YAP1: variants seen among roughly 807,000 people sequenced by gnomAD.
YAP1 encodes transcriptional coactivator YAP1.
A neutral mutation model predicts 56.9 loss-of-function variants in YAP1; 5 were observed. The observed-to-expected ratio is 0.09, with a 90% CI of 0.05 to 0.18. YAP1 has a LOEUF of 0.18. Ranked by LOEUF, YAP1 falls within the 10% of genes least tolerant of loss-of-function variation. The pLI is 1.00. For missense variants in YAP1, 539 were observed against 651.8 expected (o/e 0.83, Z 1.88); for synonymous variants, 265 against 248.1 (o/e 1.07, Z -0.64).
At chr11:102,169,247 TATAAATGTGATAAA>T (rs146825493) in intron 3 of YAP1, among the ~76,000 whole-genome samples, 1,794 of 152,356 alleles carry the variant, frequency 0.012, 35 homozygotes, top group African/African-American at 0.042. Flanking sequence ...CAGTGCCTGG[TATAAATGTGATAAA>T]ATAAATGTGA....
intron 4 of YAP1, among the ~76,000 whole-genome samples, chr11:102,194,625 A>G (rs1286823031): frequency 1.3e-5 from 2 of 152,242 alleles, no homozygotes; most frequent in Admixed American, 1.3e-4. Context: ...GGTACTAAAC[A>G]ATGTGGGGTG....
chr11:102,208,994 T>A (rs759266665), intron 5 of YAP1, among the ~76,000 whole-genome samples: 3 of 152,206 alleles, frequency 2.0e-5, no homozygotes, highest in Non-Finnish European at 4.4e-5. Flanking sequence ...ACAGAATAGC[T>A]TCACTTCCTT....
intron 6 of YAP1, among the ~76,000 whole-genome samples, chr11:102,223,253 CAAAA>C (rs1013718662): frequency 1.1e-4 from 6 of 52,452 alleles, no homozygotes; most frequent in East Asian, 5.5e-4. Flanking sequence ...TCTTGAAGAA[CAAAA>C]AAAAAAAAAA....
intron 2 of YAP1, among the ~76,000 whole-genome samples, chr11:102,161,341 TCACTACAC>T (rs1273624496): frequency 8.5e-6 from 1 of 118,220 alleles, no homozygotes; most frequent in Non-Finnish European, 1.7e-5. Flanking sequence ...CTGTGTACTT[TCACTACAC>T]ACACACACAC....
intron 6 of YAP1, among the ~76,000 whole-genome samples, chr11:102,217,292 A>G (rs984799872): frequency 6.6e-6 from 1 of 152,242 alleles, no homozygotes; most frequent in Admixed American, 6.5e-5. Flanking sequence ...TCATTTAGAA[A>G]AATAATGAGA....
At chr11:102,119,147 G>C (rs540372480) in intron 2 of YAP1, among the ~76,000 whole-genome samples, 1 of 151,874 alleles carries the variant, frequency 6.6e-6, no homozygotes, top group African/African-American at 2.4e-5. Context: ...GGGGGTGGGG[G>C]AGAGCTTACT....
At chr11:102,147,741 A>G (rs530615172) in intron 2 of YAP1, among the ~76,000 whole-genome samples, 2 of 152,158 alleles carry the variant, frequency 1.3e-5, no homozygotes, top group Non-Finnish European at 2.9e-5. Flanking sequence ...TTATTTCACC[A>G]TTAAGTTATC....
At chr11:102,219,366 G>A (rs1336607463) in intron 6 of YAP1, among the ~76,000 whole-genome samples, 1 of 152,126 alleles carries the variant, frequency 6.6e-6, no homozygotes, top group Non-Finnish European at 1.5e-5. Flanking sequence ...GCTGTGTTCA[G>A]GATGTTAAAG....
rs574631034 is a variant in YAP1, at chr11:102,206,705, T to C, written c.984+631T>C. ...TAAAAATAAAAAAATTAGCCAAGCG[T>C]GGTGGCACACACCTGTAATCTCAAC... On this transcript the variant is annotated intron_variant, in intron 5 of 8. Transcript: ENST00000282441. Among the ~76,000 whole-genome samples the C allele has an allele frequency of 2.6e-5, 4 of 152,266 alleles. No individual in the cohort carries two copies. In the East Asian group the frequency reaches 7.7e-4, roughly 29 times the overall value.
chr11:102,164,280 A>T (rs1946467501), intron 3 of YAP1, among the ~76,000 whole-genome samples: 1 of 152,114 alleles, frequency 6.6e-6, no homozygotes, highest in Admixed American at 6.5e-5. Context: ...TGATCTGCCC[A>T]CCTTGGCCTC....
rs1950385275 is a variant in YAP1 at position 102,230,122 on chromosome 11, T to A, written c.*182T>A. ...TCCATTGCTGCTGTTAATGTATTGC[T>A]GACCTCTTTCACAGTTGGCTCTAAA... On this transcript the variant is annotated 3_prime_UTR_variant, in exon 9 of 9. Transcript: ENST00000282441. 1.8e-5 allele frequency: 10 copies of A among 569,350 alleles called. No homozygotes were observed. In the South Asian group the frequency reaches 2.6e-4, roughly 15 times the overall value. 35.3% of individuals were successfully genotyped at this position (569,350 alleles called of 1,614,324 possible).
chr11:102,115,918 A>C (rs944540190), intron 2 of YAP1, among the ~76,000 whole-genome samples: 20 of 152,216 alleles, frequency 1.3e-4, no homozygotes, highest in African/African-American at 4.8e-4. Context: ...AAACAGCTTA[A>C]TAGCCTGCTT....
At chr11:102,149,187 T>C (rs1337227415) in intron 2 of YAP1, among the ~76,000 whole-genome samples, 1 of 152,196 alleles carries the variant, frequency 6.6e-6, no homozygotes, top group Non-Finnish European at 1.5e-5. Context: ...ATTGAAGATA[T>C]ATTAATGCTA....
Position 102,231,427 on chromosome 11 carries a change from T to C in YAP1, c.*1487T>C, listed in dbSNP as rs1033896967. On this transcript the variant is annotated 3_prime_UTR_variant, in exon 9 of 9. Transcript: ENST00000282441. ...TTGCTCCTACTTCTATGCTGAAAAT[T>C]GACCCTGGATAGAATACTATAAGGT... The C allele has an allele frequency of 1.3e-5, 2 of 152,494 alleles. No individual in the cohort carries two copies. The highest frequency in any genetic ancestry group is 1.3e-4 in the Admixed American group (2 of 15,282). 9.4% of individuals were successfully genotyped at this position (152,494 alleles called of 1,614,324 possible).
At chr11:102,175,882 C>T (rs1472840875) in intron 3 of YAP1, among the ~76,000 whole-genome samples, 1 of 152,130 alleles carries the variant, frequency 6.6e-6, no homozygotes, top group Non-Finnish European at 1.5e-5. Context: ...ATATGTGATC[C>T]ATCATTGACT....
chr11:102,142,516 G>A (rs151030408), intron 2 of YAP1, among the ~76,000 whole-genome samples: 53 of 152,278 alleles, frequency 3.5e-4, no homozygotes, highest in African/African-American at 1.2e-3. Flanking sequence ...GCCAAAAAAG[G>A]GCCGTCTTCA....
chr11:102,132,637 C>T (rs73577877), intron 2 of YAP1, among the ~76,000 whole-genome samples: 2,295 of 152,250 alleles, frequency 0.015, 63 homozygotes, highest in African/African-American at 0.053. Flanking sequence ...TTCTTTTTGA[C>T]ACCATTTGTC....
intron 2 of YAP1, among the ~76,000 whole-genome samples, chr11:102,132,475 T>G (rs1276841200): frequency 2.0e-5 from 3 of 152,270 alleles, no homozygotes; most frequent in African/African-American, 7.2e-5. Flanking sequence ...AAAAGCCATT[T>G]AATGACTTGG....
At chr11:102,191,465 A>G (rs1948277625) in intron 4 of YAP1, among the ~76,000 whole-genome samples, 1 of 152,154 alleles carries the variant, frequency 6.6e-6, no homozygotes, top group Non-Finnish European at 1.5e-5. Context: ...TTAAATGGCA[A>G]AACTGAAATT....
Sources: allele counts gnomAD v4.1 joint callset (sites outside exome capture counted in the v4.1 genomes callset), GRCh38; gene constraint gnomAD v4.1.1; transcripts MANE v1.5; gene names NCBI Gene and HGNC (gene_info 2026-07-23, HGNC 2026-07-21).